The following TASP1 variants were observed in gnomAD, a reference collection of about 807,000 sequenced individuals.
The protein encoded by TASP1 is taspase 1.
TASP1 carries 16 observed loss-of-function variants against 56.6 expected under a neutral mutation model. That is an observed-to-expected ratio of 0.28 (90% confidence interval 0.19 to 0.43). The LOEUF is 0.43. Among genes scored for constraint, TASP1 ranks in the 20% least tolerant of loss-of-function variants. TASP1 has a pLI of 1.00. For synonymous variants in TASP1, 179 were observed against 184.2 expected, an observed-to-expected ratio of 0.97 and a Z score of 0.23; for missense variants, 393 against 511.6, an observed-to-expected ratio of 0.77 and a Z score of 2.24.
intron 7 of TASP1, among the ~76,000 whole-genome samples, chr20:13,563,698 C>A (rs1222940775): frequency 1.3e-5 from 2 of 150,348 alleles, no homozygotes; most frequent in Non-Finnish European, 3.0e-5. Flanking sequence ...AGAGACAGGG[C>A]CTCACTATGT....
At chr20:13,412,033 G>C (rs1360574946) in intron 13 of TASP1, among the ~76,000 whole-genome samples, 2 of 152,184 alleles carry the variant, frequency 1.3e-5, no homozygotes, top group Non-Finnish European at 2.9e-5. Flanking sequence ...CTCTTGCTAT[G>C]CCTCTAGTCT....
At chr20:13,168,742 T>C in the TASP1 span, 2 of 152,170 alleles carry the variant, frequency 1.3e-5, no homozygotes, top group Non-Finnish European at 2.9e-5. Context: ...TAATAACAAT[T>C]GTAACAACAG....
the TASP1 span, among the ~76,000 whole-genome samples, chr20:13,358,001 C>T: frequency 6.6e-6 from 1 of 152,166 alleles, no homozygotes; most frequent in Non-Finnish European, 1.5e-5. Context: ...CGCACCTTAA[C>T]TGATGAAATT....
At chr20:13,468,112 AAATAC>A (rs1322632104) in intron 11 of TASP1, among the ~76,000 whole-genome samples, 1 of 152,178 alleles carries the variant, frequency 6.6e-6, no homozygotes, top group African/African-American at 2.4e-5. Flanking sequence ...TTTTCCTAAC[AAATAC>A]AATTACAGAA....
chr20:13,593,407 G>A (rs530607778), intron 4 of TASP1, among the ~76,000 whole-genome samples: 4 of 152,278 alleles, frequency 2.6e-5, no homozygotes, highest in East Asian at 3.9e-4. Flanking sequence ...GTGGGGCATC[G>A]CCTCACCCAG....
At chr20:13,152,329 A>G in the TASP1 span, among the ~76,000 whole-genome samples, 1 of 152,184 alleles carries the variant, frequency 6.6e-6, no homozygotes, top group Non-Finnish European at 1.5e-5. Flanking sequence ...CGTTATTACT[A>G]TTGTCCTTTA....
intron 13 of TASP1, among the ~76,000 whole-genome samples, chr20:13,394,067 G>A (rs572146589): frequency 1.3e-5 from 2 of 151,362 alleles, no homozygotes; most frequent in South Asian, 4.2e-4. Context: ...GATCCCCCGA[G>A]GTCAGGAGTT....
At position 13,482,675 on chromosome 20, in the gene TASP1, A is replaced by G. The variant is rs140363133; in HGVS notation, c.985+552T>C. On this transcript the variant is annotated intron_variant, in intron 11 of 13. Coordinates refer to ENST00000337743, the MANE Select transcript of TASP1 (RefSeq NM_017714.3). Reference sequence around the variant, plus strand: ...TTTTCTACTCTTACTATTCCTTCTCATTAACATTCTGAGAATGCATCTAAT... The same window carrying G: ...TTTTCTACTCTTACTATTCCTTCTCGTTAACATTCTGAGAATGCATCTAAT... 3.3e-4 allele frequency among the ~76,000 whole-genome samples: 51 copies of G among 152,282 alleles called. 3 individuals carry two copies. In the East Asian group the frequency reaches 9.8e-3, roughly 29 times the overall value.
the TASP1 span, among the ~76,000 whole-genome samples, chr20:13,274,358 T>C: frequency 6.6e-6 from 1 of 152,060 alleles, no homozygotes; most frequent in South Asian, 2.1e-4. Context: ...CGTCAAAGCA[T>C]TCCCTCTCCC....
At chr20:13,539,489 A>G (rs1568560059) in intron 8 of TASP1, among the ~76,000 whole-genome samples, 1 of 152,094 alleles carries the variant, frequency 6.6e-6, no homozygotes, top group East Asian at 1.9e-4. Context: ...GTGCAAGGCT[A>G]TAGTGAGCAA....
chr20:13,277,312 A>G, the TASP1 span, among the ~76,000 whole-genome samples: 4 of 152,152 alleles, frequency 2.6e-5, no homozygotes, highest in Non-Finnish European at 5.9e-5. Context: ...TCCTACCCAG[A>G]GACTGATTTC....
At chr20:13,184,082 C>A in the TASP1 span, among the ~76,000 whole-genome samples, 4 of 150,776 alleles carry the variant, frequency 2.7e-5, no homozygotes, top group African/African-American at 9.7e-5. Flanking sequence ...TAGTGTGGTA[C>A]TGTATAAATT....
the TASP1 span, among the ~76,000 whole-genome samples, chr20:13,116,275 A>G: frequency 1.3e-5 from 2 of 152,136 alleles, no homozygotes; most frequent in Non-Finnish European, 2.9e-5. Flanking sequence ...GAGACGTTCA[A>G]CTCTGTTTGA....
At chr20:13,126,415 GA>G in the TASP1 span, among the ~76,000 whole-genome samples, 4 of 152,098 alleles carry the variant, frequency 2.6e-5, no homozygotes, top group Non-Finnish European at 5.9e-5. Flanking sequence ...GACTATGAAG[GA>G]AATAGAAAAA....
intron 8 of TASP1, among the ~76,000 whole-genome samples, chr20:13,539,724 ATTAC>A (rs2045552350): frequency 6.6e-6 from 1 of 152,206 alleles, no homozygotes; most frequent in Non-Finnish European, 1.5e-5. Context: ...CATAAAAAAG[ATTAC>A]TTAAAAATTC....
At chr20:13,405,949 T>C (rs937628772) in intron 13 of TASP1, among the ~76,000 whole-genome samples, 4 of 152,190 alleles carry the variant, frequency 2.6e-5, no homozygotes, top group African/African-American at 9.7e-5. Flanking sequence ...CATCAACCAA[T>C]CTGGCAATTC....
intron 8 of TASP1, among the ~76,000 whole-genome samples, chr20:13,546,178 A>G (rs2045802942): frequency 1.5e-5 from 2 of 134,716 alleles, no homozygotes; most frequent in Admixed American, 1.5e-4. Context: ...GATAATGTTG[A>G]GGCCAAAGGT....
the TASP1 span, among the ~76,000 whole-genome samples, chr20:13,200,152 C>A: frequency 6.6e-6 from 1 of 151,968 alleles, no homozygotes; most frequent in African/African-American, 2.4e-5. Flanking sequence ...CCTTCATCAT[C>A]TCAGAAATCA....
chr20:13,614,205 C>A (rs1375287521), intron 4 of TASP1, among the ~76,000 whole-genome samples: 2 of 152,098 alleles, frequency 1.3e-5, no homozygotes, highest in Non-Finnish European at 2.9e-5. Context: ...GTTGAGAGAA[C>A]ATTTGTTTGC....
Sources: allele counts gnomAD v4.1 joint callset (sites outside exome capture counted in the v4.1 genomes callset), GRCh38; gene constraint gnomAD v4.1.1; transcripts MANE v1.5; gene names NCBI Gene and HGNC (gene_info 2026-07-23, HGNC 2026-07-21).